PAK1: variants seen among roughly 807,000 people sequenced by gnomAD.
The protein encoded by PAK1 is p21 (RAC1) activated kinase 1, also known as serine/threonine-protein kinase PAK 1.
A neutral mutation model predicts 67.4 loss-of-function variants in PAK1; 29 were observed. The observed-to-expected ratio is 0.43, with a 90% CI of 0.32 to 0.59. The LOEUF is 0.59. Among genes scored for constraint, PAK1 ranks in the 20% least tolerant of loss-of-function variants. The pLI is 0.07. For missense variants in PAK1, 337 were observed against 670.7 expected (o/e 0.50, Z 5.50); for synonymous variants, 223 against 237.4 (o/e 0.94, Z 0.56).
chr11:77,507,524 C>CT, the PAK1 span, among the ~76,000 whole-genome samples: 19 of 151,584 alleles, frequency 1.3e-4, no homozygotes, highest in East Asian at 1.7e-3. Context: ...ATCCAATATA[C>CT]TTTTTTTTTC....
chr11:77,481,803 A>T, the PAK1 span, among the ~76,000 whole-genome samples: 1 of 151,882 alleles, frequency 6.6e-6, no homozygotes. Flanking sequence ...GTCTTCCTGT[A>T]TTAGAACATG....
intron 1 of PAK1, among the ~76,000 whole-genome samples, chr11:77,426,483 G>T (rs1051980564): frequency 6.6e-6 from 1 of 151,998 alleles, no homozygotes; most frequent in African/African-American, 2.4e-5. Flanking sequence ...TAAGAAAATC[G>T]GGGCACAGAG....
At chr11:77,521,078 T>C in the PAK1 span, among the ~76,000 whole-genome samples, 1 of 152,166 alleles carries the variant, frequency 6.6e-6, no homozygotes, top group South Asian at 2.1e-4. Flanking sequence ...TAGCATGACC[T>C]TTATGGGACC....
At chr11:77,330,076 A>C (rs1321972973) in intron 14 of PAK1, among the ~76,000 whole-genome samples, 1 of 152,210 alleles carries the variant, frequency 6.6e-6, no homozygotes, top group Non-Finnish European at 1.5e-5. Context: ...CCAACTTACA[A>C]GAGATGTGAA....
At chr11:77,326,243 G>C (rs1203205793) in intron 14 of PAK1, among the ~76,000 whole-genome samples, 1 of 152,218 alleles carries the variant, frequency 6.6e-6, no homozygotes, top group African/African-American at 2.4e-5. Flanking sequence ...AGGCAGGCAG[G>C]AGTATAAAAG....
At chr11:77,444,784 C>T (rs1431153580) in intron 1 of PAK1, among the ~76,000 whole-genome samples, 4 of 152,244 alleles carry the variant, frequency 2.6e-5, no homozygotes, top group African/African-American at 9.6e-5. Context: ...CCAAATGTCC[C>T]TGTTTGGGGG....
rs557301445 is a variant in PAK1, at chr11:77,354,781, G to A, written c.772+887C>T. Among the ~76,000 whole-genome samples the A allele has an allele frequency of 4.6e-5, 7 of 152,260 alleles. No homozygotes were observed. In the South Asian group the frequency reaches 8.3e-4, roughly 18 times the overall value. ...AAAGCAATGCCAGTTTGCAGACGTC[G>A]CCAAATCGGTCACATCAAATCCTTT... On this transcript the variant is annotated intron_variant, in intron 7 of 14. Coordinates refer to ENST00000356341, the MANE Select transcript of PAK1 (RefSeq NM_002576.5).
chr11:77,493,878 T>C, the PAK1 span, among the ~76,000 whole-genome samples: 25 of 152,312 alleles, frequency 1.6e-4, no homozygotes, highest in African/African-American at 5.3e-4. Context: ...ATAAACTGAC[T>C]GGATGTTGAG....
At chr11:77,375,906 C>T (rs1352542629) in intron 4 of PAK1, among the ~76,000 whole-genome samples, 1 of 152,132 alleles carries the variant, frequency 6.6e-6, no homozygotes, top group Non-Finnish European at 1.5e-5. Context: ...GTGCTAGATA[C>T]AGCTTCTTTG....
At chr11:77,431,802 G>A (rs911257091) in intron 1 of PAK1, among the ~76,000 whole-genome samples, 2 of 152,150 alleles carry the variant, frequency 1.3e-5, no homozygotes, top group Non-Finnish European at 2.9e-5. Flanking sequence ...ACTTACCCAC[G>A]TATAGATGGT....
upstream of PAK1, chr11:77,474,588 A>T (rs1308333279): frequency 6.6e-6 from 1 of 152,154 alleles, no homozygotes; most frequent in East Asian, 1.9e-4. Flanking sequence ...CACCGCATCT[A>T]TGAGCTCGTT....
chr11:77,517,753 C>T, the PAK1 span, among the ~76,000 whole-genome samples: 1 of 151,996 alleles, frequency 6.6e-6, no homozygotes, highest in East Asian at 1.9e-4. Context: ...TCAGTGGGAG[C>T]CCTGAGCTTG....
the PAK1 span, among the ~76,000 whole-genome samples, chr11:77,509,297 G>C: frequency 6.6e-6 from 1 of 152,136 alleles, no homozygotes; most frequent in African/African-American, 2.4e-5. Context: ...GCCAGCATCT[G>C]CTGATGGGCC....
At chr11:77,486,771 G>A in the PAK1 span, among the ~76,000 whole-genome samples, 5 of 152,210 alleles carry the variant, frequency 3.3e-5, no homozygotes, top group East Asian at 9.6e-4. Flanking sequence ...ATCTGGGTGG[G>A]GAATTGTCTA....
At chr11:77,338,823 A>G (rs1447319778) in intron 11 of PAK1, among the ~76,000 whole-genome samples, 1 of 152,250 alleles carries the variant, frequency 6.6e-6, no homozygotes, top group Non-Finnish European at 1.5e-5. Flanking sequence ...AGCCAATTAC[A>G]AAAGAGCAAA....
intron 8 of PAK1, 28 bp from the exon 9 acceptor site, chr11:77,349,315 G>A (rs778586470): frequency 1.3e-6 from 2 of 1,565,792 alleles, no homozygotes; most frequent in Admixed American, 1.8e-5. Context: ...GGAGAAAGAG[G>A]GAAAAAAACA....
rs1944064476 is a variant in PAK1 at position 77,344,221 on chromosome 11, C to G, written c.886-290G>C. 2.0e-5 allele frequency among the ~76,000 whole-genome samples: 3 copies of G among 152,196 alleles called. No homozygotes were observed. The South Asian group carries it at 6.2e-4, about 32-fold the overall frequency. On this transcript the variant is annotated intron_variant, in intron 9 of 14. Coordinates refer to ENST00000356341, the MANE Select transcript of PAK1 (RefSeq NM_002576.5). ...AAGTCCTCCAGGTCACTGTGATACA[C>G]ATCAAAGTTTCAGAATCAAACTTTG...
intron 2 of PAK1, 85 bp downstream of exon 2, chr11:77,392,246 C>T (rs1951232029): frequency 1.0e-6 from 1 of 961,798 alleles, no homozygotes; most frequent in Non-Finnish European, 1.5e-6. Flanking sequence ...AAAATTAAGT[C>T]AAAGACAACA....
At chr11:77,383,613 C>T (rs902532173) in intron 2 of PAK1, among the ~76,000 whole-genome samples, 1 of 152,134 alleles carries the variant, frequency 6.6e-6, no homozygotes, top group African/African-American at 2.4e-5. Flanking sequence ...GCATGAGCCA[C>T]CACGCCCGGC....
Sources: allele counts gnomAD v4.1 joint callset (sites outside exome capture counted in the v4.1 genomes callset), GRCh38; gene constraint gnomAD v4.1.1; transcripts MANE v1.5; gene names NCBI Gene and HGNC (gene_info 2026-07-23, HGNC 2026-07-21).